Variants in MTMR7 observed in about 807,000 individuals in gnomAD.
MTMR7 encodes phosphatidylinositol-3-phosphate phosphatase MTMR7.
Under a neutral mutation model 81.2 loss-of-function variants are expected in MTMR7, and 76 were observed. The observed-to-expected ratio is 0.94, with a 90% CI of 0.78 to 1.13. The LOEUF (loss-of-function observed/expected upper bound fraction) is 1.13, where lower values mean the gene tolerates loss of function less well. Ranked by LOEUF, MTMR7 falls within the 50% of genes most tolerant of loss-of-function variation. The pLI, the probability that MTMR7 is intolerant of heterozygous loss-of-function variation, is 0.00. For synonymous variants in MTMR7, 372 were observed against 289.8 expected (o/e 1.28, Z -2.88); for missense variants, 1,044 against 820.0 (o/e 1.27, Z -3.34).
chr8:17,301,200 G>T (rs1817086222), intron 13 of MTMR7, among the ~76,000 whole-genome samples: 1 of 152,222 alleles, frequency 6.6e-6, no homozygotes, highest in African/African-American at 2.4e-5. Context: ...TACAGACCCA[G>T]CCTTAAGGAA....
chr8:17,303,661 G>A (rs1216898639), intron 12 of MTMR7, among the ~76,000 whole-genome samples: 1 of 151,252 alleles, frequency 6.6e-6, no homozygotes, highest in Non-Finnish European at 1.5e-5. Context: ...CCAGGCTGGA[G>A]TGCAATGGCA....
intron 1 of MTMR7, among the ~76,000 whole-genome samples, chr8:17,403,485 T>C (rs907712821): frequency 1.3e-5 from 2 of 152,100 alleles, no homozygotes; most frequent in Non-Finnish European, 2.9e-5. Context: ...GGTAGCTCTG[T>C]AGTATAATTT....
chr8:17,410,157 A>G (rs1247418368), intron 1 of MTMR7, among the ~76,000 whole-genome samples: 1 of 152,188 alleles, frequency 6.6e-6, no homozygotes, highest in Non-Finnish European at 1.5e-5. Context: ...AAAATAAATC[A>G]GGAGACCAGT....
At chr8:17,393,423 CAAT>C (rs1364432797) in intron 1 of MTMR7, among the ~76,000 whole-genome samples, 1 of 152,026 alleles carries the variant, frequency 6.6e-6, no homozygotes, top group Non-Finnish European at 1.5e-5. Flanking sequence ...TCAAAGATAA[CAAT>C]GAGAAAGACA....
intron 7 of MTMR7, among the ~76,000 whole-genome samples, chr8:17,328,925 T>C (rs1239519083): frequency 6.6e-6 from 1 of 152,038 alleles, no homozygotes; most frequent in Non-Finnish European, 1.5e-5. Flanking sequence ...GAAGTTAAAA[T>C]TAGATCATCT....
chr8:17,384,071 G>C (rs1046814657), intron 1 of MTMR7, among the ~76,000 whole-genome samples: 1 of 152,170 alleles, frequency 6.6e-6, no homozygotes, highest in African/African-American at 2.4e-5. Flanking sequence ...CTAACTGCAT[G>C]TGTGAGAGAG....
At chr8:17,380,228 C>T (rs1820718089) in intron 1 of MTMR7, among the ~76,000 whole-genome samples, 1 of 152,164 alleles carries the variant, frequency 6.6e-6, no homozygotes, top group South Asian at 2.1e-4. Flanking sequence ...AGGCCAACCC[C>T]AGTTGTCAGT....
chr8:17,347,157 T>C lies in MTMR7; in HGVS notation c.597+1796A>G, dbSNP rs951534954. Reference sequence around the variant, plus strand: ...CTGCAGTGAGCCAAGATTGTGCCACTGCACTCCAGCCTGGGCGACAAGTGA... The same window carrying C: ...CTGCAGTGAGCCAAGATTGTGCCACCGCACTCCAGCCTGGGCGACAAGTGA... On this transcript the variant is annotated intron_variant, in intron 5 of 13. Transcript: ENST00000180173. 1.0e-4 allele frequency among the ~76,000 whole-genome samples: 15 copies of C among 148,850 alleles called. No homozygotes were observed. The South Asian group carries it at 2.5e-3, about 25-fold the overall frequency.
chr8:17,409,867 G>C (rs748228157), intron 1 of MTMR7, among the ~76,000 whole-genome samples: 3 of 152,144 alleles, frequency 2.0e-5, no homozygotes, highest in East Asian at 3.9e-4. Context: ...CAAAAGTCCC[G>C]AGGCAGAAAA....
At position 17,315,489 on chromosome 8, in the gene MTMR7, T is replaced by C. The variant is rs555816810; in HGVS notation, c.866-2088A>G. ...ACTTTGAGTGATACCGATGTGCCAA[T>C]GTAGGTGCACTGATCACAACAATGT... is the stretch of plus-strand genomic sequence containing the variant. On this transcript the variant is annotated intron_variant, in intron 7 of 13. Coordinates refer to ENST00000180173, the MANE Select transcript of MTMR7 (RefSeq NM_004686.5). Among the ~76,000 whole-genome samples, 30 of 152,238 alleles carry C rather than the reference T, an allele frequency of 2.0e-4. No individual in the cohort carries two copies. In the East Asian group the frequency reaches 4.1e-3, roughly 21 times the overall value.
intron 1 of MTMR7, among the ~76,000 whole-genome samples, chr8:17,389,711 T>C (rs1021390779): frequency 6.6e-6 from 1 of 152,176 alleles, no homozygotes; most frequent in Non-Finnish European, 1.5e-5. Context: ...TAGGAAAGAT[T>C]CAGCTGTGGA....
At chr8:17,378,954 C>G (rs1214553501) in intron 1 of MTMR7, among the ~76,000 whole-genome samples, 1 of 152,020 alleles carries the variant, frequency 6.6e-6, no homozygotes, top group Non-Finnish European at 1.5e-5. Context: ...GGCGAGCAGG[C>G]AGAGTGAGAA....
chr8:17,396,602 G>A (rs936481147), intron 1 of MTMR7, among the ~76,000 whole-genome samples: 2 of 152,140 alleles, frequency 1.3e-5, no homozygotes, highest in African/African-American at 2.4e-5. Context: ...CCTCACTACT[G>A]CAGGCTAAAG....
intron 1 of MTMR7, among the ~76,000 whole-genome samples, chr8:17,383,115 C>T (rs116360679): frequency 0.016 from 2,393 of 152,018 alleles, 86 homozygotes; most frequent in African/African-American, 0.054. Flanking sequence ...GGAAGGGAGC[C>T]GCTCTTAGAT....
chr8:17,402,190 C>A (rs1821447628), intron 1 of MTMR7, among the ~76,000 whole-genome samples: 1 of 152,084 alleles, frequency 6.6e-6, no homozygotes, highest in African/African-American at 2.4e-5. Flanking sequence ...ATAATCACAT[C>A]ATGGTAAATG....
chr8:17,401,005 G>C (rs1255378722), intron 1 of MTMR7, among the ~76,000 whole-genome samples: 3 of 152,080 alleles, frequency 2.0e-5, no homozygotes, highest in African/African-American at 7.2e-5. Context: ...GTCTGTTATA[G>C]AACCTAATAA....
chr8:17,333,201 C>A lies in MTMR7; in HGVS notation c.733-1919G>T, dbSNP rs188664126. Among the ~76,000 whole-genome samples the A allele has an allele frequency of 2.6e-5, 4 of 152,216 alleles. No individual in the cohort carries two copies. In the East Asian group the frequency reaches 7.7e-4, roughly 29 times the overall value. The stretch of plus-strand genomic sequence containing the variant: ...CCACAAAAGGGTGTCATCTTTCTCC[C>A]AGGCATGCTACGAGAATAAAGAGTT... On this transcript the variant is annotated intron_variant, in intron 6 of 13. Transcript: ENST00000180173.
chr8:17,312,527 A>G (rs992753713), intron 8 of MTMR7, among the ~76,000 whole-genome samples: 1 of 142,254 alleles, frequency 7.0e-6, no homozygotes, highest in Non-Finnish European at 1.5e-5. Flanking sequence ...GCAAGCTGAG[A>G]TCGTGCCACT....
At chr8:17,387,623 C>A (rs561078004) in intron 1 of MTMR7, among the ~76,000 whole-genome samples, 1 of 152,296 alleles carries the variant, frequency 6.6e-6, no homozygotes, top group African/African-American at 2.4e-5. Context: ...CCCAATTTGA[C>A]AGAAAATTTA....
Sources: gnomAD v4.1 joint callset for allele counts (sites outside exome capture counted in the v4.1 genomes callset) on GRCh38, gnomAD v4.1.1 for gene constraint, MANE v1.5 for transcripts, NCBI Gene and HGNC (gene_info 2026-07-23, HGNC 2026-07-21) for gene names.